The following PRELID2 variants were observed in gnomAD, a reference collection of about 807,000 sequenced individuals.
The protein encoded by PRELID2 is PRELI domain-containing protein 2.
Under a neutral mutation model 28.4 loss-of-function variants are expected in PRELID2, and 25 were observed. That is an observed-to-expected ratio of 0.88 (90% CI 0.64 to 1.23). The LOEUF is 1.23. PRELID2 is among the 50% of genes most tolerant of loss of function. The probability of loss-of-function intolerance (pLI) is 0.00; values close to 1 mark genes in which losing one functional copy is unlikely to be tolerated. For synonymous variants in PRELID2, 76 were observed against 71.6 expected (o/e 1.06, Z -0.31); for missense variants, 201 against 214.4 (o/e 0.94, Z 0.39).
At chr5:145,752,384 C>T (rs931316616), downstream of PRELID2, among the ~76,000 whole-genome samples, 2 of 152,142 alleles carry the variant, frequency 1.3e-5, no homozygotes, top group African/African-American at 2.4e-5. Context: ...TTAATGCAAT[C>T]GGAAACCATA....
At chr5:145,306,463 T>C in the PRELID2 span, among the ~76,000 whole-genome samples, 1 of 152,122 alleles carries the variant, frequency 6.6e-6, no homozygotes, top group Non-Finnish European at 1.5e-5. Context: ...ATTTGCTTTT[T>C]CAGTTTAATA....
At chr5:145,574,630 C>T (rs564211389) in intron 1 of PRELID2, among the ~76,000 whole-genome samples, 1 of 152,262 alleles carries the variant, frequency 6.6e-6, no homozygotes, top group East Asian at 1.9e-4. Context: ...CCTTGTCCAT[C>T]CATTACAGCA....
the PRELID2 span, among the ~76,000 whole-genome samples, chr5:145,262,229 G>C: frequency 6.6e-6 from 1 of 151,892 alleles, no homozygotes; most frequent in East Asian, 1.9e-4. Flanking sequence ...AGAATAATTG[G>C]TGTTCTAAAA....
At chr5:145,392,683 G>T in the PRELID2 span, among the ~76,000 whole-genome samples, 1 of 151,900 alleles carries the variant, frequency 6.6e-6, no homozygotes, top group East Asian at 1.9e-4. Flanking sequence ...GAAAGAAAGA[G>T]AGAGGGAGGA....
At chr5:145,380,612 TTC>T in the PRELID2 span, among the ~76,000 whole-genome samples, 1 of 152,230 alleles carries the variant, frequency 6.6e-6, no homozygotes, top group Admixed American at 6.5e-5. Flanking sequence ...TACATATTTT[TTC>T]TTTTTGTTAC....
At chr5:145,667,220 T>G (rs1240896139) in intron 1 of PRELID2, among the ~76,000 whole-genome samples, 1 of 152,066 alleles carries the variant, frequency 6.6e-6, no homozygotes, top group Non-Finnish European at 1.5e-5. Flanking sequence ...TTAGTGGATA[T>G]TTTTTTCTTC....
intron 1 of PRELID2, among the ~76,000 whole-genome samples, chr5:145,623,343 G>A (rs1193314475): frequency 1.3e-5 from 2 of 151,942 alleles, no homozygotes; most frequent in Non-Finnish European, 2.9e-5. Flanking sequence ...AGCTACTCGG[G>A]AGGCTGAGAC....
the PRELID2 span, among the ~76,000 whole-genome samples, chr5:145,345,898 G>T: frequency 6.6e-6 from 1 of 151,864 alleles, no homozygotes; most frequent in Non-Finnish European, 1.5e-5. Context: ...CAAATACACT[G>T]TGGGGGGAGG....
intron 1 of PRELID2, among the ~76,000 whole-genome samples, chr5:145,633,140 GCTGA>G (rs1753953793): frequency 6.6e-6 from 1 of 152,216 alleles, no homozygotes; most frequent in Non-Finnish European, 1.5e-5. Context: ...TGAGGACACA[GCTGA>G]CTAAGACCTT....
At chr5:145,748,825 T>C (rs1308268759) in intron 1 of PRELID2, among the ~76,000 whole-genome samples, 1 of 151,886 alleles carries the variant, frequency 6.6e-6, no homozygotes, top group African/African-American at 2.4e-5. Flanking sequence ...ACACCACATA[T>C]CTACAACCAT....
At chr5:145,254,014 CAT>C in the PRELID2 span, among the ~76,000 whole-genome samples, 4 of 152,056 alleles carry the variant, frequency 2.6e-5, no homozygotes, top group African/African-American at 9.7e-5. Context: ...CACACACACA[CAT>C]ACACACACAC....
chr5:145,673,569 A>T (rs1478683398), intron 1 of PRELID2, among the ~76,000 whole-genome samples: 1 of 152,170 alleles, frequency 6.6e-6, no homozygotes, highest in African/African-American at 2.4e-5. Context: ...CACATAAAAT[A>T]AAACAACATA....
chr5:145,363,562 A>T, the PRELID2 span, among the ~76,000 whole-genome samples: 1 of 152,070 alleles, frequency 6.6e-6, no homozygotes, highest in East Asian at 1.9e-4. Context: ...TATTCCTTAA[A>T]TGTCTAATGT....
intron 1 of PRELID2, among the ~76,000 whole-genome samples, chr5:145,723,461 AT>A (rs35019298): frequency 0.18 from 27,999 of 152,152 alleles, 2,984 homozygotes; most frequent in African/African-American, 0.29. Context: ...CGTATCACAG[AT>A]AAAAAGCTAT....
At chr5:145,608,253 T>C (rs1378012098) in intron 1 of PRELID2, among the ~76,000 whole-genome samples, 1 of 152,196 alleles carries the variant, frequency 6.6e-6, no homozygotes. Context: ...TCAAGGTTAA[T>C]ATTGATTTGT....
the PRELID2 span, among the ~76,000 whole-genome samples, chr5:145,382,404 C>A: frequency 1.3e-5 from 2 of 151,614 alleles, no homozygotes; most frequent in Admixed American, 6.6e-5. Context: ...TTTTGAGATT[C>A]AAAAATCTCA....
chr5:145,412,878 C>A, the PRELID2 span, among the ~76,000 whole-genome samples: 1 of 152,094 alleles, frequency 6.6e-6, no homozygotes, highest in Non-Finnish European at 1.5e-5. Context: ...TGGCAGGAGA[C>A]AGAATGAGTG....
At chr5:145,653,616 C>T (rs753791938) in intron 1 of PRELID2, among the ~76,000 whole-genome samples, 5 of 152,296 alleles carry the variant, frequency 3.3e-5, no homozygotes, top group East Asian at 1.9e-4. Flanking sequence ...CACTCAACTA[C>T]GTGAAAACTG....
At chr5:145,812,241 G>A (rs1754002512) in intron 4 of PRELID2, among the ~76,000 whole-genome samples, 1 of 151,936 alleles carries the variant, frequency 6.6e-6, no homozygotes, top group Admixed American at 6.5e-5. Flanking sequence ...AGATGATGTT[G>A]ACAGTCATGA....
Sources: allele counts gnomAD v4.1 joint callset (sites outside exome capture counted in the v4.1 genomes callset), GRCh38; gene constraint gnomAD v4.1.1; transcripts MANE v1.5; gene names NCBI Gene and HGNC (gene_info 2026-07-23, HGNC 2026-07-21).